Variants in MAD1L1 observed in about 807,000 individuals in gnomAD.
MAD1L1 encodes mitotic arrest deficient 1 like 1.
Under a neutral mutation model 96.9 loss-of-function variants are expected in MAD1L1, and 95 were observed. The ratio of observed to expected loss-of-function variants is 0.98; its 90% confidence interval spans 0.83 to 1.16. The LOEUF is 1.16. Ranked by LOEUF, MAD1L1 falls within the 50% of genes most tolerant of loss-of-function variation. The pLI is 0.00. For missense variants in MAD1L1, 1,007 were observed against 954.4 expected (o/e 1.06, Z -0.73); for synonymous variants, 473 against 396.6 (o/e 1.19, Z -2.29).
At chr7:1,865,879 T>A (rs111692581) in intron 18 of MAD1L1, among the ~76,000 whole-genome samples, 1 of 152,170 alleles carries the variant, frequency 6.6e-6, no homozygotes, top group African/African-American at 2.4e-5. Context: ...ACGAGCCAGA[T>A]GACAGCCTCT....
intron 16 of MAD1L1, among the ~76,000 whole-genome samples, chr7:1,939,784 G>A (rs1387613416): frequency 1.3e-5 from 2 of 152,202 alleles, no homozygotes; most frequent in Non-Finnish European, 2.9e-5. Context: ...AGCCTCCCAA[G>A]AGCTCAGGCT....
chr7:2,149,277 C>G (rs771273135), intron 10 of MAD1L1, 39 bp from the exon 11 acceptor site: 1 of 1,531,072 alleles, frequency 6.5e-7, no homozygotes, highest in Non-Finnish European at 9.0e-7. Context: ...CCAGCTGTCC[C>G]CGAGAAGTAA....
intron 12 of MAD1L1, among the ~76,000 whole-genome samples, 200 bp downstream of exon 12, chr7:2,068,994 C>T (rs1436493764): frequency 6.6e-6 from 1 of 152,194 alleles, no homozygotes; most frequent in Non-Finnish European, 1.5e-5. Context: ...GGGCACGCAG[C>T]AGGCCCAGAG....
At chr7:1,934,001 C>G (rs955508465) in intron 17 of MAD1L1, among the ~76,000 whole-genome samples, 21 of 152,354 alleles carry the variant, frequency 1.4e-4, no homozygotes, top group African/African-American at 4.8e-4. Flanking sequence ...CCCGCCAATT[C>G]CAGACTCCAA....
rs777157646 is a variant in MAD1L1 at position 1,936,811 on chromosome 7, G to A, written c.1683C>T (p.His561=). 1 of 1,598,728 alleles carries A rather than the reference G, an allele frequency of 6.3e-7. No homozygotes were observed. The highest frequency in any genetic ancestry group is 8.5e-7 in the Non-Finnish European group (1 of 1,173,630). The change falls in exon 17 of 19, where the codon CAC becomes CAT. Residue 561 remains histidine, a synonymous_variant. Coordinates refer to ENST00000265854, the MANE Select transcript of MAD1L1 (RefSeq NM_001013836.2). The stretch of plus-strand genomic sequence containing the variant: ...GCTCGCACTCCGCCTGCAGCTGGCT[G>A]TGGTCCTCGCGCAGGCGCTGCCTGG... ...SVARQRLRED[H]SQLQAECERL... is the part of the protein sequence containing the mutation.
chr7:1,996,117 G>A (rs574150213), intron 14 of MAD1L1, among the ~76,000 whole-genome samples: 22 of 152,220 alleles, frequency 1.4e-4, no homozygotes, highest in South Asian at 4.1e-4. Flanking sequence ...CGTGTGTGCC[G>A]GGCCCTGCCG....
At chr7:2,213,342 C>T (rs1793084025) in intron 9 of MAD1L1, 69 bp from the exon 10 acceptor site, 2 of 1,435,826 alleles carry the variant, frequency 1.4e-6, no homozygotes, top group Non-Finnish European at 2.0e-6. Flanking sequence ...GACTGACAAT[C>T]ATGATCACGG....
chr7:1,828,159 C>A (rs935731691), intron 18 of MAD1L1, among the ~76,000 whole-genome samples: 4 of 151,854 alleles, frequency 2.6e-5, no homozygotes, highest in Non-Finnish European at 4.4e-5. Context: ...AGCTTCCGGC[C>A]GAGACAGAGC....
At chr7:2,133,898 G>A (rs949742713) in intron 11 of MAD1L1, among the ~76,000 whole-genome samples, 2 of 152,262 alleles carry the variant, frequency 1.3e-5, no homozygotes, top group Middle Eastern at 3.4e-3. Context: ...AGACCTGTTC[G>A]TCCATTCTTC....
intron 10 of MAD1L1, among the ~76,000 whole-genome samples, chr7:2,164,264 T>C (rs1790310588): frequency 6.6e-6 from 1 of 152,176 alleles, no homozygotes; most frequent in Non-Finnish European, 1.5e-5. Context: ...GAGTGCCGAC[T>C]GATGCAAAGG....
At chr7:2,032,480 C>T (rs1317344271) in intron 12 of MAD1L1, among the ~76,000 whole-genome samples, 2 of 152,228 alleles carry the variant, frequency 1.3e-5, no homozygotes, top group East Asian at 3.8e-4. Context: ...TGGTGCACAT[C>T]CATGGCCAGG....
intron 10 of MAD1L1, among the ~76,000 whole-genome samples, chr7:2,149,450 G>A (rs1271660487): frequency 6.6e-6 from 1 of 152,152 alleles, no homozygotes; most frequent in Non-Finnish European, 1.5e-5. Flanking sequence ...CCGGGGAGAT[G>A]ACCTTAGAAA....
At chr7:2,064,428 A>G (rs11773643) in intron 12 of MAD1L1, among the ~76,000 whole-genome samples, 44,385 of 152,012 alleles carry the variant, frequency 0.29, 6,863 homozygotes, top group South Asian at 0.44. Flanking sequence ...CATGGAGAGG[A>G]GGCCTCAGGA....
chr7:2,000,433 C>T (rs939784078), intron 14 of MAD1L1, among the ~76,000 whole-genome samples: 7 of 152,174 alleles, frequency 4.6e-5, no homozygotes, highest in African/African-American at 1.7e-4. Context: ...CACAGCCCTG[C>T]CGTGACCACA....
At chr7:2,232,651 G>T (rs992223594) in intron 1 of MAD1L1, among the ~76,000 whole-genome samples, 4 of 152,174 alleles carry the variant, frequency 2.6e-5, no homozygotes, top group African/African-American at 4.8e-5. Context: ...CAGCCCAAAG[G>T]GGGAGTGGGG....
At chr7:2,062,023 C>A (rs1784681304) in intron 12 of MAD1L1, among the ~76,000 whole-genome samples, 1 of 150,020 alleles carries the variant, frequency 6.7e-6, no homozygotes, top group African/African-American at 2.5e-5. Flanking sequence ...GGCAGATCAC[C>A]TGAGGTCAGG....
rs528199491 is a variant in MAD1L1 at position 2,103,403 on chromosome 7, G to A, written c.1074-34065C>T. Among the ~76,000 whole-genome samples the A allele has an allele frequency of 1.2e-4, 19 of 152,252 alleles. No homozygotes were observed. Among genetic ancestry groups the A allele is most frequent in the Non-Finnish European group, 2.1e-4 (14 of 68,030 alleles). ...GGACATCGCCATGCCTAGTGATGAC[G>A]TTTCTGTTTGGAAGAAGTGGGTGAG... On this transcript the variant is annotated intron_variant, in intron 11 of 18. Transcript: ENST00000265854. The surrounding 1 kb of genome is among the most constrained non-coding windows in gnomAD (Gnocchi z 4.3).
chr7:1,947,325 G>A (rs906740629), intron 16 of MAD1L1, among the ~76,000 whole-genome samples: 4 of 152,244 alleles, frequency 2.6e-5, no homozygotes, highest in East Asian at 1.9e-4. Context: ...TGCCTGACGC[G>A]CATGCCGAGA....
chr7:1,819,661 C>T (rs1303008334), intron 18 of MAD1L1, among the ~76,000 whole-genome samples: 1 of 152,174 alleles, frequency 6.6e-6, no homozygotes, highest in Admixed American at 6.5e-5. Context: ...TCCCCTGAGC[C>T]GAGCCCCATG....
Sources: allele counts gnomAD v4.1 joint callset (sites outside exome capture counted in the v4.1 genomes callset), GRCh38; gene constraint gnomAD v4.1.1; non-coding constraint Gnocchi (gnomAD v3.1); transcripts MANE v1.5; gene names NCBI Gene and HGNC (gene_info 2026-07-23, HGNC 2026-07-21).